The following VIPR1 variants were observed in gnomAD, a reference collection of about 807,000 sequenced individuals.
The protein encoded by VIPR1 is vasoactive intestinal peptide receptor 1, also known as vasoactive intestinal polypeptide receptor 1.
In VIPR1, 59 loss-of-function variants were observed where a neutral mutation model predicts 58.8. That is an observed-to-expected ratio of 1.00 (90% CI 0.81 to 1.25). The LOEUF is 1.25. Ranked by LOEUF, VIPR1 falls within the 50% of genes most tolerant of loss-of-function variation. The probability of loss-of-function intolerance (pLI) is 0.00; values close to 1 mark genes in which losing one functional copy is unlikely to be tolerated. For synonymous variants in VIPR1, 251 were observed against 242.1 expected (o/e 1.04, Z -0.34); for missense variants, 626 against 602.7 (o/e 1.04, Z -0.40).
Position 42,526,957 on chromosome 3 carries a change from G to T in VIPR1, c.400-436G>T, listed in dbSNP as rs892879414. On this transcript the variant is annotated intron_variant, in intron 4 of 12. Transcript: ENST00000325123. ...GTCTTCTTCGACATCCCGCAACCTC[G>T]CATACCTCTCCTCCCTATACAGAGA... Among the ~76,000 whole-genome samples, 75 of 152,066 alleles carry T rather than the reference G, an allele frequency of 4.9e-4. 3 individuals carry two copies. Among genetic ancestry groups the T allele is most frequent in the Non-Finnish European group, 1.2e-4 (8 of 67,996 alleles).
At chr3:42,532,617 C>T in intron 10 of VIPR1, 1 of 535,962 alleles carries the variant, frequency 1.9e-6, no homozygotes, top group Non-Finnish European at 3.4e-6. Context: ...CTCAAGAGGA[C>T]ACCGATGACC....
rs369406196 is a variant in VIPR1, at chr3:42,519,343, G to C, written c.292+13G>C. 4 of 1,591,780 alleles carry C rather than the reference G, an allele frequency of 2.5e-6. No homozygotes were observed. In the African/African-American group the frequency reaches 4.1e-5, roughly 16 times the overall value. On this transcript the variant is annotated intron_variant, in intron 3 of 12. Transcript: ENST00000325123. ...TCCTCCATTCAAGGTAAGACCCCTG[G>C]GTTGAAGAGGTGATGTGAGTGGGGC... is the stretch of plus-strand genomic sequence containing the variant.
rs929049003 is a variant in VIPR1, at chr3:42,519,332, T to C, written c.292+2T>C. 1.9e-6 allele frequency: 3 copies of C among 1,602,940 alleles called. No individual in the cohort carries two copies. In the African/African-American group the frequency reaches 4.0e-5, roughly 22 times the overall value. On this transcript the variant is annotated splice_donor_variant, in intron 3 of 12. Coordinates refer to ENST00000325123, the MANE Select transcript of VIPR1 (RefSeq NM_004624.4). LOFTEE classifies it high-confidence loss of function. ...TCAAGCTCTTCTCCTCCATTCAAGGTAAGACCCCTGGGTTGAAGAGGTGAT... is the reference window on the plus strand; with the variant it reads ...TCAAGCTCTTCTCCTCCATTCAAGGCAAGACCCCTGGGTTGAAGAGGTGAT...
chr3:42,513,698 C>T (rs1272795227), intron 1 of VIPR1, 51 bp from the exon 2 acceptor site: 2 of 1,534,878 alleles, frequency 1.3e-6, no homozygotes, highest in Non-Finnish European at 1.8e-6. Flanking sequence ...GGGCCTGGTG[C>T]TCCTGAGTCT....
chr3:42,490,503 G>T (rs1699646763), intron 1 of VIPR1, among the ~76,000 whole-genome samples: 1 of 152,230 alleles, frequency 6.6e-6, no homozygotes, highest in South Asian at 2.1e-4. Context: ...GCAAACAGAG[G>T]CATGAGCTGG....
chr3:42,527,901 G>A (rs1351732989), intron 5 of VIPR1, 90 bp from the exon 6 acceptor site: 142 of 1,542,202 alleles, frequency 9.2e-5, no homozygotes, highest in Non-Finnish European at 1.2e-4. Context: ...ATGCTCCCCT[G>A]CCCCACCCTT....
Position 42,531,498 on chromosome 3 carries a change from G to T in VIPR1, c.818G>T (p.Trp273Leu). The T allele has an allele frequency of 6.3e-7, 1 of 1,592,506 alleles. No homozygotes were observed. The highest frequency in any genetic ancestry group is 8.6e-7 in the Non-Finnish European group (1 of 1,168,606). ...GTACCCAGCACATTCACCATGGTGT[G>T]GACCATCGCCAGGATCCATTTTGAG... The part of the protein sequence containing the change: ...WGVPSTFTMV[W>L]TIARIHFEDY... The change falls in exon 8 of 13, where the codon TGG (tryptophan) becomes TTG (leucine). Residue 273 changes from tryptophan to leucine, a missense_variant. Transcript: ENST00000325123.
At chr3:42,525,322 C>A (rs1021308120) in intron 3 of VIPR1, among the ~76,000 whole-genome samples, 1 of 152,106 alleles carries the variant, frequency 6.6e-6, no homozygotes, top group African/African-American at 2.4e-5. Context: ...CCATGCTGTG[C>A]TGCCTGATTC....
Position 42,502,823 on chromosome 3 carries a change from C to G in VIPR1, c.78+10C>G. 3 of 1,253,828 alleles carry G rather than the reference C, an allele frequency of 2.4e-6. No individual in the cohort carries two copies. Among genetic ancestry groups the G allele is most frequent in the Non-Finnish European group, 3.0e-6 (3 of 999,296 alleles). 77.7% of individuals were successfully genotyped at this position (1,253,828 alleles called of 1,614,324 possible). A position where few individuals can be genotyped will look rare whatever the true frequency, so the allele number is the denominator to read the frequency against. On this transcript the variant is annotated intron_variant, in intron 1 of 12. Coordinates refer to ENST00000325123, the MANE Select transcript of VIPR1 (RefSeq NM_004624.4). Reference sequence around the variant, plus strand: ...GGCCCTTGGGCCGGCGGTGAGTGTTCGCCCGGCCGCCCAGAGTCCCGGCAG... The same window carrying G: ...GGCCCTTGGGCCGGCGGTGAGTGTTGGCCCGGCCGCCCAGAGTCCCGGCAG...
chr3:42,496,586 T>G (rs1054401070), intron 1 of VIPR1, among the ~76,000 whole-genome samples: 1 of 152,198 alleles, frequency 6.6e-6, no homozygotes, highest in African/African-American at 2.4e-5. Context: ...GTCCCTCCCT[T>G]TTCTACATAA....
intron 1 of VIPR1, chr3:42,507,115 A>G (rs189543168): frequency 9.8e-5 from 15 of 152,368 alleles, no homozygotes; most frequent in Admixed American, 3.3e-4. Flanking sequence ...ACACTCTTCT[A>G]TATAACTATG....
intron 7 of VIPR1, 160 bp downstream of exon 7, chr3:42,531,092 A>C: frequency 8.5e-6 from 8 of 937,610 alleles, no homozygotes; most frequent in Non-Finnish European, 1.3e-5. Context: ...AGTCCTCAAA[A>C]TGTCTGATCC....
At position 42,530,797 on chromosome 3, in the gene VIPR1, A is replaced by C. The variant is rs756348792; in HGVS notation, c.655A>C (p.Met219Leu). The change falls in exon 7 of 13, where the codon ATG becomes CTG. Residue 219 changes from methionine (M) to leucine (L), a missense_variant. By Grantham distance (15) the Met-to-Leu change is conservative. Coordinates refer to ENST00000325123, the MANE Select transcript of VIPR1 (RefSeq NM_004624.4). ...CCTGCAGGTGGGCTGTAAGGCAGCCATGGTCTTTTTCCAATATTGTGTCAT... is the reference window on the plus strand; with the variant it reads ...CCTGCAGGTGGGCTGTAAGGCAGCCCTGGTCTTTTTCCAATATTGTGTCAT... The part of the protein sequence containing the change: ...SEGSVGCKAA[M>L]VFFQYCVMAN... 1.2e-6 allele frequency: 2 copies of C among 1,613,930 alleles called. No homozygotes were observed. The highest frequency in any genetic ancestry group is 2.7e-5 in the African/African-American group (2 of 74,902).
Position 42,527,390 on chromosome 3 carries a change from C to T in VIPR1, c.400-3C>T, listed in dbSNP as rs775384174. The T allele has an allele frequency of 6.2e-7, 1 of 1,612,868 alleles. No individual in the cohort carries two copies. Among genetic ancestry groups the T allele is most frequent in the East Asian group, 2.2e-5 (1 of 44,826 alleles). ...CAAGAGCCTCTCCCTGTCCCTCCAA[C>T]AGCAGCAGACCATGTTCTACGGTTC... is the stretch of plus-strand genomic sequence containing the variant. On this transcript the variant is annotated splice_polypyrimidine_tract_variant and splice_region_variant and intron_variant, in intron 4 of 12. Coordinates refer to ENST00000325123, the MANE Select transcript of VIPR1 (RefSeq NM_004624.4).
At chr3:42,518,510 G>A (rs1395794540) in intron 2 of VIPR1, among the ~76,000 whole-genome samples, 1 of 152,146 alleles carries the variant, frequency 6.6e-6, no homozygotes, top group Non-Finnish European at 1.5e-5. Context: ...AGGCCAAGGT[G>A]GGAGGATCAC....
At chr3:42,502,300 C>T (rs887844142), upstream of VIPR1, 1 of 154,686 alleles carries the variant, frequency 6.5e-6, no homozygotes, top group Admixed American at 6.5e-5. Flanking sequence ...TGAGGAGCGC[C>T]CTGGGATGGG....
At position 42,534,816 on chromosome 3, in the gene VIPR1, C is replaced by A. The variant is rs1036355118; in HGVS notation, c.1011-159C>A. 1.5e-5 allele frequency: 14 copies of A among 937,416 alleles called. No homozygotes were observed. In the South Asian group the frequency reaches 2.5e-4, roughly 17 times the overall value. The allele number at this position is 937,416 out of a possible 1,614,324, so 58.1% of individuals were successfully genotyped here. On this transcript the variant is annotated intron_variant, in intron 10 of 12. Coordinates refer to ENST00000325123, the MANE Select transcript of VIPR1 (RefSeq NM_004624.4). Reference sequence around the variant, plus strand: ...AGGCACTGCAGCTGTGGAACAGGAGCAGACAAGGGCATAATATTCAGAGGA... The same window carrying A: ...AGGCACTGCAGCTGTGGAACAGGAGAAGACAAGGGCATAATATTCAGAGGA...
rs2125675002 is a variant in VIPR1 at position 42,530,542 on chromosome 3, A to G, written c.637-237A>G. ...GGGTAGATATATAGATGGGAAGGTG[A>G]ATAGATGAATTGATGGATGGATAAT... On this transcript the variant is annotated intron_variant, in intron 6 of 12. Transcript: ENST00000325123. The G allele has an allele frequency of 1.2e-5, 6 of 506,452 alleles. No individual in the cohort carries two copies. In the East Asian group the frequency reaches 1.9e-4, roughly 16 times the overall value. The allele number at this position is 506,452 out of a possible 1,614,324, so 31.4% of individuals were successfully genotyped here.
chr3:42,536,150 A>C lies in VIPR1; in HGVS notation c.1243A>C (p.Asn415His), dbSNP rs1173331297. ...GCACCTGCAGGGCGTCCTGGGCTGG[A>C]ACCCCAAATACCGGCACCCGTCGGG... ...RWHLQGVLGW[N>H]PKYRHPSGGS... The change falls in exon 13 of 13, where the codon AAC becomes CAC. Residue 415 changes from asparagine (N) to histidine (H), a missense_variant. Physicochemically the swap from Asn to His is moderately conservative, Grantham distance 68. Transcript: ENST00000325123. The C allele has an allele frequency of 6.2e-7, 1 of 1,607,954 alleles. No individual in the cohort carries two copies. Among genetic ancestry groups the C allele is most frequent in the Middle Eastern group, 1.7e-4 (1 of 6,046 alleles).
Sources: gnomAD v4.1 joint callset for allele counts (sites outside exome capture counted in the v4.1 genomes callset) on GRCh38, gnomAD v4.1.1 for gene constraint, MANE v1.5 for transcripts, NCBI Gene and HGNC (gene_info 2026-07-23, HGNC 2026-07-21) for gene names.